Variants in RSRC1 observed in about 807,000 individuals in gnomAD.
RSRC1 encodes arginine and serine rich coiled-coil 1.
RSRC1 carries 39 observed loss-of-function variants against 49.1 expected under a neutral mutation model. The observed-to-expected ratio is 0.79, with a 90% CI of 0.61 to 1.04. The LOEUF (loss-of-function observed/expected upper bound fraction) is 1.04. Among genes scored for constraint, RSRC1 ranks in the 50% least tolerant of loss-of-function variants. The pLI, the probability that RSRC1 is intolerant of heterozygous loss-of-function variation, is 0.00. For synonymous variants in RSRC1, 143 were observed against 130.8 expected, an observed-to-expected ratio of 1.09 and a Z score of -0.63; for missense variants, 388 against 402.4, an observed-to-expected ratio of 0.96 and a Z score of 0.31.
chr3:158,310,097 A>G (rs144054706), intron 5 of RSRC1, among the ~76,000 whole-genome samples: 18 of 151,778 alleles, frequency 1.2e-4, no homozygotes, highest in Non-Finnish European at 2.2e-4. Flanking sequence ...ATAGTCTAAT[A>G]TAGTAGGTAA....
intron 5 of RSRC1, among the ~76,000 whole-genome samples, chr3:158,344,031 G>A (rs563030864): frequency 2.6e-5 from 4 of 152,082 alleles, no homozygotes; most frequent in Non-Finnish European, 5.9e-5. Flanking sequence ...AATCCCAGCC[G>A]TTTGGGAGGC....
chr3:158,210,344 G>T (rs1721601968), intron 4 of RSRC1, among the ~76,000 whole-genome samples: 1 of 151,938 alleles, frequency 6.6e-6, no homozygotes, highest in Non-Finnish European at 1.5e-5. Context: ...ATGTCTTCAT[G>T]CAAAATTTAT....
chr3:158,484,558 A>G (rs1324786893), intron 7 of RSRC1, among the ~76,000 whole-genome samples: 1 of 152,118 alleles, frequency 6.6e-6, no homozygotes, highest in Non-Finnish European at 1.5e-5. Context: ...ATTATGATTA[A>G]GTTAGGCATA....
intron 3 of RSRC1, among the ~76,000 whole-genome samples, chr3:158,147,086 T>C (rs1717180397): frequency 1.3e-5 from 2 of 149,272 alleles, no homozygotes; most frequent in Admixed American, 1.3e-4. Flanking sequence ...TCCTTTTCTT[T>C]CTTCTGCTTT....
chr3:158,444,471 C>T (rs1736571214), intron 6 of RSRC1, among the ~76,000 whole-genome samples: 1 of 152,242 alleles, frequency 6.6e-6, no homozygotes, highest in Admixed American at 6.5e-5. Flanking sequence ...AAGGCTGAAA[C>T]TGGATCGCTT....
chr3:158,272,060 A>G (rs746892288), intron 4 of RSRC1, among the ~76,000 whole-genome samples: 15 of 152,308 alleles, frequency 9.8e-5, no homozygotes, highest in Non-Finnish European at 1.5e-4. Context: ...CAAAGGATTA[A>G]GGGCCTAAAG....
At chr3:158,374,675 C>T (rs1260716771) in intron 6 of RSRC1, among the ~76,000 whole-genome samples, 2 of 152,008 alleles carry the variant, frequency 1.3e-5, no homozygotes, top group Non-Finnish European at 2.9e-5. Flanking sequence ...ATTTAAGAAC[C>T]TTATACATGT....
At chr3:158,311,050 C>T (rs1191043304) in intron 5 of RSRC1, among the ~76,000 whole-genome samples, 5 of 151,796 alleles carry the variant, frequency 3.3e-5, no homozygotes, top group Non-Finnish European at 7.4e-5. Context: ...TATTAAAATA[C>T]ACGTGCTTGC....
At chr3:158,328,188 T>C (rs1212955077) in intron 5 of RSRC1, among the ~76,000 whole-genome samples, 7 of 152,216 alleles carry the variant, frequency 4.6e-5, no homozygotes, top group African/African-American at 7.2e-5. Context: ...CTTTATCCAA[T>C]TTGCCAGTCT....
At chr3:158,391,907 A>G (rs182219569) in intron 6 of RSRC1, among the ~76,000 whole-genome samples, 1 of 152,190 alleles carries the variant, frequency 6.6e-6, no homozygotes, top group Admixed American at 6.6e-5. Context: ...TAAAGTAGGG[A>G]TCACTTTATA....
At chr3:158,525,987 C>A (rs1185929145) in intron 7 of RSRC1, among the ~76,000 whole-genome samples, 1 of 151,546 alleles carries the variant, frequency 6.6e-6, no homozygotes, top group African/African-American at 2.4e-5. Flanking sequence ...TAACATGTAC[C>A]AAAACTCACC....
chr3:158,202,978 C>T, intron 3 of RSRC1, 94 bp from the exon 4 acceptor site: 1 of 950,496 alleles, frequency 1.1e-6, no homozygotes, highest in Admixed American at 2.7e-5. Context: ...ACAACTAAAA[C>T]TAAGTAGTTT....
chr3:158,328,132 A>C (rs1729285823), intron 5 of RSRC1, among the ~76,000 whole-genome samples: 3 of 151,994 alleles, frequency 2.0e-5, no homozygotes, highest in African/African-American at 4.8e-5. Flanking sequence ...GTGTCTCTGC[A>C]CATGAGATGG....
intron 3 of RSRC1, among the ~76,000 whole-genome samples, chr3:158,174,466 G>A (rs189187589): frequency 4.6e-5 from 7 of 151,986 alleles, no homozygotes; most frequent in Admixed American, 3.9e-4. Context: ...TACTACTGAG[G>A]TCAAGAATTA....
chr3:158,156,213 C>G (rs776043060), intron 3 of RSRC1, among the ~76,000 whole-genome samples: 1 of 152,152 alleles, frequency 6.6e-6, no homozygotes, highest in Admixed American at 6.6e-5. Flanking sequence ...GAGTTCTTTT[C>G]TTAAACCTCA....
At chr3:158,521,354 G>T (rs9849688) in intron 7 of RSRC1, among the ~76,000 whole-genome samples, 31,584 of 151,782 alleles carry the variant, frequency 0.21, 4,113 homozygotes, top group African/African-American at 0.37. Flanking sequence ...CACATCTTCG[G>T]AACCCCTTGT....
intron 4 of RSRC1, among the ~76,000 whole-genome samples, chr3:158,211,761 A>C (rs1423807282): frequency 6.6e-6 from 1 of 151,966 alleles, no homozygotes; most frequent in East Asian, 1.9e-4. Context: ...GAAGATGTTA[A>C]CTATTAGAAG....
chr3:158,430,081 T>TA (rs1480589469), intron 6 of RSRC1, among the ~76,000 whole-genome samples: 1 of 136,142 alleles, frequency 7.3e-6, no homozygotes, highest in Middle Eastern at 3.3e-3. Context: ...ACAAAAAAAA[T>TA]AAAATAAAAT....
chr3:158,466,918 G>A (rs922806121), intron 7 of RSRC1, among the ~76,000 whole-genome samples: 7 of 152,076 alleles, frequency 4.6e-5, no homozygotes, highest in African/African-American at 1.7e-4. Context: ...GATTAGTCAG[G>A]CATGGTAGTG....
Sources: gnomAD v4.1 joint callset for allele counts (sites outside exome capture counted in the v4.1 genomes callset) on GRCh38, gnomAD v4.1.1 for gene constraint, MANE v1.5 for transcripts, NCBI Gene and HGNC (gene_info 2026-07-23, HGNC 2026-07-21) for gene names.